FAM163A: variants seen among roughly 807,000 people sequenced by gnomAD.
The protein encoded by FAM163A is family with sequence similarity 163 member A, also known as protein FAM163A.
In FAM163A, 7 loss-of-function variants were observed where a neutral mutation model predicts 12.0. That is an observed-to-expected ratio of 0.58 (90% confidence interval 0.33 to 1.10). FAM163A has a LOEUF of 1.10. Among genes scored for constraint, FAM163A ranks in the 50% least tolerant of loss-of-function variants. FAM163A has a pLI of 0.03. For synonymous variants in FAM163A, 101 were observed against 91.0 expected (o/e 1.11, Z -0.62); for missense variants, 202 against 218.6 (o/e 0.92, Z 0.48).
chr1:179,767,353 G>T (rs1219950241), intron 1 of FAM163A, among the ~76,000 whole-genome samples: 2 of 152,096 alleles, frequency 1.3e-5, no homozygotes, highest in Non-Finnish European at 2.9e-5. Context: ...TCTGCAGACC[G>T]AGTGCCCTGG....
At position 179,760,041 on chromosome 1, in the gene FAM163A, A is replaced by G. The variant is rs143473734; in HGVS notation, c.-136+16618A>G. 4.1e-3 allele frequency among the ~76,000 whole-genome samples: 622 copies of G among 152,298 alleles called. 1 individual carries two copies. The highest frequency in any genetic ancestry group is 0.014 in the African/African-American group (598 of 41,562). On this transcript the variant is annotated intron_variant, in intron 1 of 4. Coordinates refer to ENST00000341785, the MANE Select transcript of FAM163A (RefSeq NM_173509.3). ...GTTCGTGCAGTGTTTTCAGTAGGAAAATGATGGGTGCAGATTCATGTTTTA... is the reference window on the plus strand; with the variant it reads ...GTTCGTGCAGTGTTTTCAGTAGGAAGATGATGGGTGCAGATTCATGTTTTA...
intron 1 of FAM163A, among the ~76,000 whole-genome samples, chr1:179,748,741 A>G (rs1684859867): frequency 6.6e-6 from 1 of 152,210 alleles, no homozygotes; most frequent in African/African-American, 2.4e-5. Flanking sequence ...TGATTTTTGA[A>G]CTGGGCCTTG....
chr1:179,780,716 G>T (rs1384777053), intron 1 of FAM163A, among the ~76,000 whole-genome samples: 1 of 152,190 alleles, frequency 6.6e-6, no homozygotes, highest in Non-Finnish European at 1.5e-5. Flanking sequence ...ACAGGTACCT[G>T]CCCCAAGACA....
rs960526710 is a variant in FAM163A at position 179,815,665 on chromosome 1, C to T, written c.*1476C>T. On this transcript the variant is annotated 3_prime_UTR_variant, in exon 5 of 5. Transcript: ENST00000341785. The stretch of plus-strand genomic sequence containing the variant: ...TTCCAGTGGCCTCTGCAGAAGCTGG[C>T]CCCCTTCTAAGGGCATAGCTAACCC... 1 of 152,230 alleles carries T rather than the reference C, an allele frequency of 6.6e-6. No homozygotes were observed. Among genetic ancestry groups the T allele is most frequent in the East Asian group, 1.9e-4 (1 of 5,198 alleles). 9.4% of individuals were successfully genotyped at this position (152,230 alleles called of 1,614,324 possible). A position where few individuals can be genotyped will look rare whatever the true frequency, so the allele number is the denominator to read the frequency against.
chr1:179,777,862 T>G (rs1689193241), intron 1 of FAM163A, among the ~76,000 whole-genome samples: 1 of 152,214 alleles, frequency 6.6e-6, no homozygotes, highest in African/African-American at 2.4e-5. Context: ...GCTAAGAAGC[T>G]CAGAGTTAAA....
chr1:179,752,194 T>G (rs1685366889), intron 1 of FAM163A, among the ~76,000 whole-genome samples: 2 of 152,016 alleles, frequency 1.3e-5, no homozygotes, highest in African/African-American at 2.4e-5. Flanking sequence ...ATACGCAAAG[T>G]GGAAAGGATA....
intron 1 of FAM163A, among the ~76,000 whole-genome samples, chr1:179,752,214 A>G (rs566494993): frequency 6.6e-6 from 1 of 152,340 alleles, no homozygotes; most frequent in East Asian, 1.9e-4. Context: ...AGTCTCTTCA[A>G]CAAATAGTGT....
upstream of FAM163A, among the ~76,000 whole-genome samples, chr1:179,739,976 AC>A (rs1683434873): frequency 6.6e-6 from 1 of 152,216 alleles, no homozygotes. Context: ...GTAAAATGGT[AC>A]AATTGCTCTA....
intron 1 of FAM163A, among the ~76,000 whole-genome samples, chr1:179,756,941 G>A (rs10798720): frequency 0.25 from 38,041 of 152,098 alleles, 5,380 homozygotes; most frequent in East Asian, 0.63. Context: ...TCAGAATAGC[G>A]AGTAGGAGTT....
intron 1 of FAM163A, among the ~76,000 whole-genome samples, chr1:179,752,919 A>T (rs549217101): frequency 1.3e-5 from 2 of 152,324 alleles, no homozygotes; most frequent in East Asian, 3.9e-4. Context: ...TAAAACTACC[A>T]TATGATCCAT....
intron 1 of FAM163A, among the ~76,000 whole-genome samples, chr1:179,762,137 G>A (rs11577513): frequency 0.21 from 31,902 of 152,062 alleles, 3,585 homozygotes; most frequent in Middle Eastern, 0.23. Flanking sequence ...TGGATGAATG[G>A]ACAAAAGAAA....
chr1:179,754,439 T>C (rs879326201), intron 1 of FAM163A, among the ~76,000 whole-genome samples: 4 of 152,026 alleles, frequency 2.6e-5, no homozygotes, highest in Non-Finnish European at 4.4e-5. Flanking sequence ...CTCATGATAT[T>C]AATCTGATAA....
intron 1 of FAM163A, among the ~76,000 whole-genome samples, chr1:179,799,746 G>A (rs1692893911): frequency 6.6e-6 from 1 of 152,212 alleles, no homozygotes; most frequent in African/African-American, 2.4e-5. Flanking sequence ...CCTCAGCACT[G>A]GCCTCTCTGA....
intron 1 of FAM163A, among the ~76,000 whole-genome samples, chr1:179,799,420 T>G (rs1284301950): frequency 2.6e-5 from 4 of 151,332 alleles, no homozygotes; most frequent in Admixed American, 6.6e-5. Flanking sequence ...GCACTGACTC[T>G]GGGGTTAGAA....
intron 1 of FAM163A, among the ~76,000 whole-genome samples, chr1:179,779,358 A>G (rs980274966): frequency 1.3e-5 from 2 of 152,312 alleles, no homozygotes; most frequent in Non-Finnish European, 2.9e-5. Context: ...AGGCTGCAGC[A>G]GTCAGGATCA....
intron 1 of FAM163A, among the ~76,000 whole-genome samples, chr1:179,755,785 T>A (rs1685940544): frequency 6.6e-6 from 1 of 151,882 alleles, no homozygotes; most frequent in Non-Finnish European, 1.5e-5. Context: ...TACAGATGAG[T>A]GCCCATGGAT....
chr1:179,732,723 A>C, the FAM163A span, among the ~76,000 whole-genome samples: 2 of 151,982 alleles, frequency 1.3e-5, no homozygotes, highest in East Asian at 3.9e-4. Context: ...TCTACTAAAA[A>C]TACAAAAATT....
chr1:179,774,236 C>T (rs925883381), intron 1 of FAM163A, among the ~76,000 whole-genome samples: 1 of 152,212 alleles, frequency 6.6e-6, no homozygotes, highest in African/African-American at 2.4e-5. Flanking sequence ...CTCTGAGACT[C>T]TCGGTTGCCC....
At chr1:179,791,625 T>C (rs1445245409) in intron 1 of FAM163A, among the ~76,000 whole-genome samples, 1 of 152,262 alleles carries the variant, frequency 6.6e-6, no homozygotes, top group East Asian at 1.9e-4. Flanking sequence ...GAGCTGATCT[T>C]CCAGGTGTTC....
Sources: gnomAD v4.1 joint callset for allele counts (sites outside exome capture counted in the v4.1 genomes callset) on GRCh38, gnomAD v4.1.1 for gene constraint, MANE v1.5 for transcripts, NCBI Gene and HGNC (gene_info 2026-07-23, HGNC 2026-07-21) for gene names.